AGBL1: variants seen among roughly 807,000 people sequenced by gnomAD.
The protein encoded by AGBL1 is cytosolic carboxypeptidase 4.
A neutral mutation model predicts 118.9 loss-of-function variants in AGBL1; 130 were observed. That is an observed-to-expected ratio of 1.09 (90% CI 0.95 to 1.26). AGBL1 has a LOEUF of 1.26. AGBL1 is among the 50% of genes most tolerant of loss of function. The probability of loss-of-function intolerance (pLI) is 0.00; values close to 1 mark genes in which losing one functional copy is unlikely to be tolerated. For missense variants in AGBL1, 1,584 were observed against 1,298.1 expected (o/e 1.22, Z -3.38); for synonymous variants, 555 against 478.9 (o/e 1.16, Z -2.08).
intron 1 of AGBL1, among the ~76,000 whole-genome samples, chr15:86,098,595 G>A (rs1023359530): frequency 6.6e-6 from 1 of 151,924 alleles, no homozygotes; most frequent in Non-Finnish European, 1.5e-5. Flanking sequence ...TATGTTCTTG[G>A]TACCTTTGTC....
intron 17 of AGBL1, among the ~76,000 whole-genome samples, chr15:86,359,918 T>C (rs2080778201): frequency 6.6e-6 from 1 of 152,052 alleles, no homozygotes. Context: ...TGAATTTATC[T>C]ATTGGTACTA....
intron 24 of AGBL1, among the ~76,000 whole-genome samples, chr15:86,997,862 A>G (rs2081393845): frequency 6.6e-6 from 1 of 151,232 alleles, no homozygotes; most frequent in Non-Finnish European, 1.5e-5. Context: ...TATACTAAAA[A>G]CACAATATAT....
At chr15:86,444,174 G>T (rs568876148) in intron 18 of AGBL1, among the ~76,000 whole-genome samples, 114 of 152,230 alleles carry the variant, frequency 7.5e-4, no homozygotes, top group Admixed American at 1.3e-3. Flanking sequence ...ATATCTCACT[G>T]TTTTGATTTG....
At chr15:86,240,574 T>G (rs781334997) in intron 6 of AGBL1, among the ~76,000 whole-genome samples, 11 of 152,152 alleles carry the variant, frequency 7.2e-5, no homozygotes, top group Non-Finnish European at 1.0e-4. Flanking sequence ...GCAATATAAT[T>G]GCTCAAGGTT....
chr15:86,306,119 A>G (rs528680042), intron 17 of AGBL1, among the ~76,000 whole-genome samples: 1 of 152,290 alleles, frequency 6.6e-6, no homozygotes, highest in East Asian at 1.9e-4. Context: ...CATCATGGAC[A>G]ATGGGACATC....
At chr15:86,163,776 T>C (rs565490310) in intron 5 of AGBL1, among the ~76,000 whole-genome samples, 5 of 152,040 alleles carry the variant, frequency 3.3e-5, no homozygotes, top group Non-Finnish European at 4.4e-5. Context: ...AAAAGAAATA[T>C]TTTAAAAAAA....
chr15:86,440,051 C>T (rs987741748), intron 18 of AGBL1, among the ~76,000 whole-genome samples: 1 of 152,070 alleles, frequency 6.6e-6, no homozygotes, highest in South Asian at 2.1e-4. Flanking sequence ...GCATTAAGAA[C>T]TAATATAATA....
At chr15:86,257,722 T>C (rs1238172975) in intron 8 of AGBL1, among the ~76,000 whole-genome samples, 1 of 152,224 alleles carries the variant, frequency 6.6e-6, no homozygotes, top group African/African-American at 2.4e-5. Flanking sequence ...TTTTCTGCAC[T>C]TATTTTGCAT....
intron 17 of AGBL1, among the ~76,000 whole-genome samples, chr15:86,352,635 C>T (rs1567213186): frequency 6.6e-6 from 1 of 152,118 alleles, no homozygotes; most frequent in Non-Finnish European, 1.5e-5. Context: ...GTGTGCACTA[C>T]TGCACCTGAC....
At chr15:86,755,028 T>G (rs573769674) in intron 22 of AGBL1, among the ~76,000 whole-genome samples, 35 of 152,254 alleles carry the variant, frequency 2.3e-4, no homozygotes, top group Admixed American at 1.2e-3. Context: ...AACCTTTCAT[T>G]GCAAAATGAT....
chr15:86,880,152 A>G (rs146391012), intron 22 of AGBL1, among the ~76,000 whole-genome samples: 1 of 152,294 alleles, frequency 6.6e-6, no homozygotes, highest in Non-Finnish European at 1.5e-5. Context: ...TCATCAGACA[A>G]TGGAATCTCC....
chr15:86,104,914 G>A (rs1896952494), intron 1 of AGBL1: 1 of 152,106 alleles, frequency 6.6e-6, no homozygotes, highest in South Asian at 2.1e-4. Context: ...CCATGGCTAG[G>A]GTTGCAGGAG....
chr15:86,441,213 T>C (rs2082060651), intron 18 of AGBL1, among the ~76,000 whole-genome samples: 1 of 152,182 alleles, frequency 6.6e-6, no homozygotes, highest in Admixed American at 6.5e-5. Flanking sequence ...TGGTTATTCT[T>C]ATAGTAAATT....
rs965006783 is a variant in AGBL1 at position 86,914,826 on chromosome 15, C to G, written c.*7532C>G. 20 of 152,182 alleles carry G rather than the reference C, an allele frequency of 1.3e-4. No individual in the cohort carries two copies. Among genetic ancestry groups the G allele is most frequent in the African/African-American group, 4.8e-4 (20 of 41,438 alleles). 9.4% of individuals were successfully genotyped at this position (152,182 alleles called of 1,614,324 possible). Reference sequence around the variant, plus strand: ...CCCTCTGAGAGGTTATGGAGCAAGTCTCCATTTCTAGGAAAGTGTGTTGTT... The same window carrying G: ...CCCTCTGAGAGGTTATGGAGCAAGTGTCCATTTCTAGGAAAGTGTGTTGTT... On this transcript the variant is annotated 3_prime_UTR_variant, in exon 23 of 23. Coordinates refer to ENST00000614907, the MANE Select transcript of AGBL1 (RefSeq NM_001386094.1).
At chr15:86,285,862 G>C (rs2079435359) in intron 16 of AGBL1, among the ~76,000 whole-genome samples, 1 of 152,260 alleles carries the variant, frequency 6.6e-6, no homozygotes, top group East Asian at 1.9e-4. Context: ...TATTTTGAAG[G>C]ACAGTGCTCA....
At chr15:86,898,029 TACCGA>T (rs2080155988) in intron 22 of AGBL1, among the ~76,000 whole-genome samples, 2 of 152,002 alleles carry the variant, frequency 1.3e-5, no homozygotes, top group Non-Finnish European at 2.9e-5. Flanking sequence ...CACCCACACC[TACCGA>T]GTGCTGGGAC....
In AGBL1 at chr15:86,929,909, C is replaced by T. The variant is rs548677239; in HGVS notation, c.3222-58078C>T. ...AGAATATGCCACTTCATGGAGGTTG[C>T]CTACCTGCCTTTCCTCAATTTTATT... On this transcript the variant is annotated intron_variant, in intron 23 of 24. Coordinates refer to the AGBL1 transcript ENST00000441037. Among the ~76,000 whole-genome samples, 4 of 152,288 alleles carry T rather than the reference C, an allele frequency of 2.6e-5. 1 individual carries two copies. Among genetic ancestry groups the T allele is most frequent in the South Asian group, 4.1e-4 (2 of 4,832 alleles).
At chr15:86,140,608 G>A (rs2076950339) in intron 1 of AGBL1, among the ~76,000 whole-genome samples, 1 of 152,200 alleles carries the variant, frequency 6.6e-6, no homozygotes, top group Non-Finnish European at 1.5e-5. Flanking sequence ...CATGTGGTAA[G>A]TGCAATGTCA....
In AGBL1 at chr15:86,915,476, C is replaced by G. The variant is rs1019991405; in HGVS notation, c.*8182C>G. The G allele has an allele frequency of 6.6e-6, 1 of 152,208 alleles. No individual in the cohort carries two copies. The highest frequency in any genetic ancestry group is 2.4e-5 in the African/African-American group (1 of 41,440). The allele number at this position is 152,208 out of a possible 1,614,324, so 9.4% of individuals were successfully genotyped here. A position where few individuals can be genotyped will look rare whatever the true frequency, so the allele number is the denominator to read the frequency against. On this transcript the variant is annotated 3_prime_UTR_variant, in exon 23 of 23. Transcript: ENST00000614907. Reference sequence around the variant, plus strand: ...GCACCTTACTCTTCTGTTCCCTCTTCTTCCATCCATGTGCCTAGATCTATC... The same window carrying G: ...GCACCTTACTCTTCTGTTCCCTCTTGTTCCATCCATGTGCCTAGATCTATC...
Sources: allele counts gnomAD v4.1 joint callset (sites outside exome capture counted in the v4.1 genomes callset), GRCh38; gene constraint gnomAD v4.1.1; transcripts MANE v1.5; gene names NCBI Gene and HGNC (gene_info 2026-07-23, HGNC 2026-07-21).